MS4A4A: variants seen among roughly 807,000 people sequenced by gnomAD.
MS4A4A encodes membrane spanning 4-domains A4A.
MS4A4A carries 26 observed loss-of-function variants against 28.0 expected under a neutral mutation model. The ratio of observed to expected loss-of-function variants is 0.93; its 90% CI spans 0.68 to 1.29. The LOEUF is 1.29. Ranked by LOEUF, MS4A4A falls within the 50% of genes most tolerant of loss-of-function variation. The pLI, the probability that MS4A4A is intolerant of heterozygous loss-of-function variation, is 0.00. For missense variants in MS4A4A, 290 were observed against 293.1 expected, an observed-to-expected ratio of 0.99 and a Z score of 0.08; for synonymous variants, 86 against 100.8, an observed-to-expected ratio of 0.85 and a Z score of 0.88.
intron 1 of MS4A4A, among the ~76,000 whole-genome samples, chr11:60,290,685 A>G (rs1197394072): frequency 1.3e-5 from 2 of 151,790 alleles, no homozygotes; most frequent in African/African-American, 2.4e-5. Flanking sequence ...AAGTATATAC[A>G]TTACTAAAGT....
chr11:60,298,796 G>A (rs1295244942), intron 3 of MS4A4A, among the ~76,000 whole-genome samples: 2 of 152,196 alleles, frequency 1.3e-5, no homozygotes, highest in Non-Finnish European at 2.9e-5. Context: ...AGACATCACT[G>A]AGACTTTCGT....
chr11:60,283,452 C>G (rs1170599823), intron 1 of MS4A4A, among the ~76,000 whole-genome samples: 3 of 152,146 alleles, frequency 2.0e-5, no homozygotes, highest in Admixed American at 6.5e-5. Context: ...TCATAGCCCT[C>G]TTAGGGTTCC....
chr11:60,294,999 AG>A (rs2084893795), intron 2 of MS4A4A, among the ~76,000 whole-genome samples: 1 of 149,516 alleles, frequency 6.7e-6, no homozygotes, highest in African/African-American at 2.5e-5. Context: ...TATAAATTTT[AG>A]AGTCAGTTTA....
In MS4A4A at chr11:60,292,262, G is replaced by A; in HGVS notation, c.79G>A (p.Glu27Lys). 6.3e-7 allele frequency: 1 copy of A among 1,598,304 alleles called. No homozygotes were observed. Among genetic ancestry groups the A allele is most frequent in the Non-Finnish European group, 8.5e-7 (1 of 1,173,688 alleles). ...SAAMTTMQGM[E>K]QAMPGAGPGV... ...TGCCATGACAACCATGCAAGGAATG[G>A]AACAGGCCATGCCAGGGGCTGGCCC... is the stretch of plus-strand genomic sequence containing the variant. The change falls in exon 2 of 7, where the codon GAA becomes AAA. Residue 27 changes from glutamate to lysine, a missense_variant. By Grantham distance (56) the Glu-to-Lys change is moderately conservative (BLOSUM62 1). Coordinates refer to ENST00000337908, the MANE Select transcript of MS4A4A (RefSeq NM_148975.3).
intron 3 of MS4A4A, 33 bp downstream of exon 3, chr11:60,297,358 T>A (rs780751374): frequency 3.1e-6 from 5 of 1,609,162 alleles, no homozygotes; most frequent in South Asian, 1.1e-5. Context: ...TAATTGAAGA[T>A]AACATAAAGC....
intron 2 of MS4A4A, among the ~76,000 whole-genome samples, chr11:60,292,829 G>T (rs1406652530): frequency 1.3e-5 from 2 of 152,082 alleles, no homozygotes; most frequent in African/African-American, 2.4e-5. Context: ...TCTCAGATGA[G>T]CATGCCCAAA....
intron 1 of MS4A4A, among the ~76,000 whole-genome samples, chr11:60,291,370 A>T (rs1297390745): frequency 3.3e-5 from 5 of 152,186 alleles, no homozygotes; most frequent in Non-Finnish European, 7.3e-5. Flanking sequence ...CATAAATCAC[A>T]CTCAGCAAGG....
chr11:60,292,349 G>T lies in MS4A4A; in HGVS notation c.166G>T (p.Glu56Ter). 5 of 1,606,802 alleles carry T rather than the reference G, an allele frequency of 3.1e-6. No individual in the cohort carries two copies. The highest frequency in any genetic ancestry group is 2.5e-6 in the Non-Finnish European group (3 of 1,177,238). Residue 56 changes from glutamate (E) to a stop codon, truncating the protein, a stop_gained, in exon 2 of 7, where the codon GAG becomes TAG. Transcript: ENST00000337908. LOFTEE classifies it high-confidence loss of function. ...IHSHLWKGLQ[E>*]KFLKGEPKVL... ...TTCACATCTGTGGAAAGGATTGCAA[G>T]AGAAGTTCTTGAAGGGAGAACCCAA... is the stretch of plus-strand genomic sequence containing the variant.
chr11:60,306,801 GA>G (rs1388039487), intron 6 of MS4A4A, among the ~76,000 whole-genome samples: 3 of 152,186 alleles, frequency 2.0e-5, no homozygotes, highest in Non-Finnish European at 4.4e-5. Context: ...TCACAATGAA[GA>G]GGTCCCCAAA....
intron 6 of MS4A4A, among the ~76,000 whole-genome samples, chr11:60,306,648 C>T (rs1055809839): frequency 3.3e-5 from 5 of 152,170 alleles, no homozygotes; most frequent in African/African-American, 1.2e-4. Flanking sequence ...CAGGTTCCAT[C>T]CACACTTGAG....
intron 5 of MS4A4A, among the ~76,000 whole-genome samples, chr11:60,303,185 A>G (rs528308485): frequency 6.6e-6 from 1 of 152,286 alleles, no homozygotes; most frequent in Admixed American, 6.5e-5. Context: ...TTTATCCTCA[A>G]CATCTAGCTC....
At chr11:60,300,938 G>A (rs1404328027) in intron 3 of MS4A4A, 63 bp from the exon 4 acceptor site, 4 of 1,198,840 alleles carry the variant, frequency 3.3e-6, no homozygotes, top group Non-Finnish European at 4.7e-6. Flanking sequence ...ATTAAGTTTA[G>A]TAAGTTATGA....
At chr11:60,288,419 C>T (rs1052548124) in intron 1 of MS4A4A, among the ~76,000 whole-genome samples, 1 of 152,198 alleles carries the variant, frequency 6.6e-6, no homozygotes, top group Non-Finnish European at 1.5e-5. Context: ...GCAGATTACC[C>T]ACAAAGCTGA....
intron 1 of MS4A4A, among the ~76,000 whole-genome samples, chr11:60,281,145 C>A (rs1465010492): frequency 1.3e-5 from 2 of 152,126 alleles, no homozygotes; most frequent in Admixed American, 1.3e-4. Context: ...GTATCACATG[C>A]AGAATTTGGT....
chr11:60,287,940 C>A (rs543366810), intron 1 of MS4A4A, among the ~76,000 whole-genome samples: 44 of 152,326 alleles, frequency 2.9e-4, no homozygotes, highest in African/African-American at 9.9e-4. Context: ...TGTCCTAAAT[C>A]CTGGGGACAC....
At chr11:60,290,371 T>G (rs988389188) in intron 1 of MS4A4A, 1 of 153,122 alleles carries the variant, frequency 6.5e-6, no homozygotes, top group Admixed American at 6.5e-5. Flanking sequence ...CATCATGTAA[T>G]CTTTGTTTCT....
Position 60,282,501 on chromosome 11 carries a change from G to T in MS4A4A, c.41+1785G>T, listed in dbSNP as rs73487278. The T allele has an allele frequency of 7.5e-4, 819 of 1,097,536 alleles. 7 individuals are homozygous for T. The African/African-American group carries it at 0.013, about 18-fold the overall frequency. 68.0% of individuals were successfully genotyped at this position (1,097,536 alleles called of 1,614,324 possible). A position where few individuals can be genotyped will look rare whatever the true frequency, so the allele number is the denominator to read the frequency against. ...ATGTGGGCAATGGTGGGGAAGTGGG[G>T]GAATAGTGTCTGAGAGAAGATAGAG... On this transcript the variant is annotated intron_variant, in intron 1 of 6. Coordinates refer to ENST00000337908, the MANE Select transcript of MS4A4A (RefSeq NM_148975.3).
Position 60,281,920 on chromosome 11 carries a change from C to A in MS4A4A, c.41+1204C>A, listed in dbSNP as rs543244359. On this transcript the variant is annotated intron_variant, in intron 1 of 6. Transcript: ENST00000337908. ...GTCCCTCATATGCATCCAATATTCTCAGCAGTTAAAAAAAAAATTGAATAT... is the reference window on the plus strand; with the variant it reads ...GTCCCTCATATGCATCCAATATTCTAAGCAGTTAAAAAAAAAATTGAATAT... 6.6e-5 allele frequency among the ~76,000 whole-genome samples: 10 copies of A among 152,192 alleles called. No individual in the cohort carries two copies. The South Asian group carries it at 1.9e-3, about 28-fold the overall frequency.
At chr11:60,299,818 T>C (rs954705198) in intron 3 of MS4A4A, among the ~76,000 whole-genome samples, 11 of 152,242 alleles carry the variant, frequency 7.2e-5, no homozygotes, top group African/African-American at 2.7e-4. Context: ...TGAATTGTAT[T>C]AAATGTCCTA....
Sources: allele counts gnomAD v4.1 joint callset (sites outside exome capture counted in the v4.1 genomes callset), GRCh38; gene constraint gnomAD v4.1.1; transcripts MANE v1.5; gene names NCBI Gene and HGNC (gene_info 2026-07-23, HGNC 2026-07-21).